The following CDH13 variants were observed in gnomAD, a reference collection of about 807,000 sequenced individuals.
The protein encoded by CDH13 is cadherin-13.
CDH13 carries 24 observed loss-of-function variants against 63.8 expected under a neutral mutation model. That is an observed-to-expected ratio of 0.38 (90% CI 0.27 to 0.53). CDH13 has a LOEUF of 0.53. CDH13 is among the 20% of genes least tolerant of loss of function. The pLI is 0.85. For missense variants in CDH13, 1,049 were observed against 903.1 expected (o/e 1.16, Z -2.07); for synonymous variants, 503 against 355.3 (o/e 1.42, Z -4.67).
At chr16:82,656,773 G>C (rs961068258) in intron 1 of CDH13, among the ~76,000 whole-genome samples, 1 of 152,058 alleles carries the variant, frequency 6.6e-6, no homozygotes, top group Admixed American at 6.6e-5. Context: ...GCAATCCACC[G>C]ATCTTTCTTC....
At chr16:82,961,843 C>T (rs775853582) in intron 2 of CDH13, among the ~76,000 whole-genome samples, 72 of 152,228 alleles carry the variant, frequency 4.7e-4, no homozygotes, top group African/African-American at 1.2e-3. Flanking sequence ...TGGGGGCTGC[C>T]GTTGGCTTCT....
In CDH13 at chr16:83,137,591, A is replaced by C. The variant is rs2036346928; in HGVS notation, c.483+12090A>C. ...TTTTTTTGTTGGTGTCTCCGCTGAC[A>C]ACCCTGTTCAAAGAGAGCCACAAGG... is the stretch of plus-strand genomic sequence containing the variant. On this transcript the variant is annotated intron_variant, in intron 4 of 13. Coordinates refer to ENST00000567109, the MANE Select transcript of CDH13 (RefSeq NM_001257.5). 2.0e-5 allele frequency among the ~76,000 whole-genome samples: 3 copies of C among 152,290 alleles called. No individual in the cohort carries two copies. In the South Asian group the frequency reaches 6.2e-4, roughly 32 times the overall value.
chr16:83,190,839 T>C (rs1388512671), intron 4 of CDH13, among the ~76,000 whole-genome samples: 3 of 152,192 alleles, frequency 2.0e-5, no homozygotes, highest in African/African-American at 7.2e-5. Flanking sequence ...CCAATTGATT[T>C]CTTTCCCATC....
At chr16:82,707,248 G>A (rs188259647) in intron 1 of CDH13, among the ~76,000 whole-genome samples, 1 of 152,286 alleles carries the variant, frequency 6.6e-6, no homozygotes, top group Admixed American at 6.5e-5. Flanking sequence ...TGCTAATGAG[G>A]CTATGTATAC....
chr16:83,316,872 T>TCTGGGCTGGG (rs570464163), intron 5 of CDH13, among the ~76,000 whole-genome samples: 2 of 152,204 alleles, frequency 1.3e-5, no homozygotes, highest in East Asian at 1.9e-4. Context: ...CTGAGCTTCA[T>TCTGGGCTGGG]CTGGGCTGGG....
chr16:82,796,676 A>G (rs1394646333), intron 1 of CDH13, among the ~76,000 whole-genome samples: 2 of 152,244 alleles, frequency 1.3e-5, no homozygotes, highest in Non-Finnish European at 2.9e-5. Flanking sequence ...CTCAATCAGA[A>G]TGGACACTGG....
chr16:83,672,968 C>T (rs1347658936), intron 9 of CDH13, among the ~76,000 whole-genome samples: 2 of 152,220 alleles, frequency 1.3e-5, no homozygotes, highest in Non-Finnish European at 2.9e-5. Context: ...CACAGAGGGC[C>T]AGTGCCAGGG....
chr16:83,344,082 G>A (rs1049878690), intron 5 of CDH13, among the ~76,000 whole-genome samples: 2 of 152,008 alleles, frequency 1.3e-5, no homozygotes, highest in Non-Finnish European at 2.9e-5. Context: ...TCCTATGCGG[G>A]GACCAACACT....
chr16:83,172,968 C>G lies in CDH13; in HGVS notation c.484-44377C>G, dbSNP rs117541983. Among the ~76,000 whole-genome samples, 862 of 152,206 alleles carry G rather than the reference C, an allele frequency of 5.7e-3. 12 individuals carry two copies. Among genetic ancestry groups the G allele is most frequent in the Middle Eastern group, 0.014 (4 of 294 alleles). ...CAAGCCAACACTCTCCCCACCCCAC[C>G]TTAGTCTACCGTTAACGTGTCCGAA... is the stretch of plus-strand genomic sequence containing the variant. On this transcript the variant is annotated intron_variant, in intron 4 of 13. Transcript: ENST00000567109.
intron 8 of CDH13, among the ~76,000 whole-genome samples, chr16:83,649,742 T>C (rs2150817696): frequency 6.6e-6 from 1 of 152,078 alleles, no homozygotes; most frequent in East Asian, 1.9e-4. Flanking sequence ...GCACCTGCCT[T>C]CTCGCACTCT....
At chr16:83,447,401 G>C (rs2072738884) in intron 6 of CDH13, among the ~76,000 whole-genome samples, 2 of 152,000 alleles carry the variant, frequency 1.3e-5, no homozygotes, top group South Asian at 2.1e-4. Flanking sequence ...GGCTACAAGA[G>C]CTAGACTCCA....
In CDH13 at chr16:83,185,032, C is replaced by G. The variant is rs146786675; in HGVS notation, c.484-32313C>G. On this transcript the variant is annotated intron_variant, in intron 4 of 13. Transcript: ENST00000567109. Reference sequence around the variant, plus strand: ...CACTTTCCTCTATCTTTCTGATATACCTATCTATATATTTATGATCTTCCC... The same window carrying G: ...CACTTTCCTCTATCTTTCTGATATAGCTATCTATATATTTATGATCTTCCC... Among the ~76,000 whole-genome samples, 11 of 151,800 alleles carry G rather than the reference C, an allele frequency of 7.2e-5. No homozygotes were observed. In the East Asian group the frequency reaches 2.1e-3, roughly 29 times the overall value.
chr16:83,055,441 C>G (rs2030824388), intron 3 of CDH13, among the ~76,000 whole-genome samples: 1 of 151,296 alleles, frequency 6.6e-6, no homozygotes, highest in South Asian at 2.1e-4. Context: ...CACTAGAGAT[C>G]TTTCAAGAAT....
At chr16:83,379,938 T>TAGAGAG (rs71148831) in intron 6 of CDH13, among the ~76,000 whole-genome samples, 4,055 of 123,418 alleles carry the variant, frequency 0.033, 136 homozygotes, top group Non-Finnish European at 0.04. Context: ...TATATATATA[T>TAGAGAG]AGAGAGAGAG....
intron 5 of CDH13, among the ~76,000 whole-genome samples, chr16:83,295,862 G>C (rs941166836): frequency 4.6e-5 from 7 of 152,250 alleles, no homozygotes; most frequent in Admixed American, 1.3e-4. Context: ...AGAGACGTCT[G>C]CACTTCTGTA....
rs755152650 is a variant in CDH13, at chr16:83,506,981, C to T, written c.960+20326C>T. 3.2e-4 allele frequency among the ~76,000 whole-genome samples: 48 copies of T among 152,224 alleles called. 1 individual carries two copies. Among genetic ancestry groups the T allele is most frequent in the East Asian group, 1.9e-4 (1 of 5,200 alleles). On this transcript the variant is annotated intron_variant, in intron 7 of 13. Coordinates refer to ENST00000567109, the MANE Select transcript of CDH13 (RefSeq NM_001257.5). ...ATCTCCAAGCCACAAACACTGTGTG[C>T]AATCATAAATGTTTTTAGTTGCTTT...
At chr16:83,415,684 G>A (rs1015093497) in intron 6 of CDH13, among the ~76,000 whole-genome samples, 3 of 152,084 alleles carry the variant, frequency 2.0e-5, no homozygotes, top group Admixed American at 6.5e-5. Flanking sequence ...TGCAGAAAAA[G>A]TACTTGACAA....
chr16:83,079,033 G>C (rs1393816987), intron 3 of CDH13, among the ~76,000 whole-genome samples: 1 of 152,174 alleles, frequency 6.6e-6, no homozygotes, highest in African/African-American at 2.4e-5. Context: ...GACCTCAGGT[G>C]ATCTGCCTAC....
chr16:83,566,560 G>C lies in CDH13; in HGVS notation c.961-35894G>C, dbSNP rs6563935. On this transcript the variant is annotated intron_variant, in intron 7 of 13. Transcript: ENST00000567109. ...TCTCTCCATCCAGGTGCAGCAAGCC[G>C]TTTTGTGCTTCCTGTTCCCTGGACC... is the stretch of plus-strand genomic sequence containing the variant. Among the ~76,000 whole-genome samples the C allele has an allele frequency of 3.0e-3, 459 of 151,910 alleles. 3 individuals are homozygous for C. Among genetic ancestry groups the C allele is most frequent in the African/African-American group, 0.011 (439 of 41,428 alleles).
Sources: gnomAD v4.1 joint callset for allele counts (sites outside exome capture counted in the v4.1 genomes callset) on GRCh38, gnomAD v4.1.1 for gene constraint, MANE v1.5 for transcripts, NCBI Gene and HGNC (gene_info 2026-07-23, HGNC 2026-07-21) for gene names.